TENM2: variants seen among roughly 807,000 people sequenced by gnomAD.
TENM2 encodes the protein teneurin transmembrane protein 2.
TENM2 carries 52 observed loss-of-function variants against 245.2 expected under a neutral mutation model. The ratio of observed to expected loss-of-function variants is 0.21; its 90% confidence interval spans 0.17 to 0.27. The LOEUF (loss-of-function observed/expected upper bound fraction) is 0.27. Among genes scored for constraint, TENM2 ranks in the 10% least tolerant of loss-of-function variants. The probability of loss-of-function intolerance (pLI) is 1.00; values close to 1 mark genes in which losing one functional copy is unlikely to be tolerated. For synonymous variants in TENM2, 1,363 were observed against 1,438.9 expected (o/e 0.95, Z 1.19); for missense variants, 3,046 against 3,666.8 (o/e 0.83, Z 4.37).
chr5:167,611,548 G>A (rs745495051), intron 2 of TENM2, among the ~76,000 whole-genome samples: 3 of 152,138 alleles, frequency 2.0e-5, no homozygotes, highest in Non-Finnish European at 4.4e-5. Flanking sequence ...AGTTTTTCAA[G>A]AAAGTTCAGA....
intron 2 of TENM2, among the ~76,000 whole-genome samples, chr5:167,399,916 A>T (rs1007154153): frequency 1.3e-5 from 2 of 151,774 alleles, no homozygotes; most frequent in African/African-American, 4.9e-5. Context: ...CTGAGAATAC[A>T]AAGATACTGT....
chr5:168,129,688 C>T (rs2152370553), intron 12 of TENM2: 1 of 152,302 alleles, frequency 6.6e-6, no homozygotes, highest in East Asian at 1.9e-4. Context: ...TTTTCTATCT[C>T]CGGCCCCCAG....
intron 2 of TENM2, among the ~76,000 whole-genome samples, chr5:167,508,070 C>T (rs530063410): frequency 3.9e-5 from 6 of 152,148 alleles, no homozygotes; most frequent in East Asian, 1.9e-4. Context: ...CATGTGGAAA[C>T]GAAAGGCAGA....
At chr5:167,455,356 A>G (rs1187081280) in intron 2 of TENM2, among the ~76,000 whole-genome samples, 1 of 152,192 alleles carries the variant, frequency 6.6e-6, no homozygotes, top group Admixed American at 6.5e-5. Context: ...TGTCAATCCA[A>G]ATAAAATATC....
intron 10 of TENM2, among the ~76,000 whole-genome samples, chr5:168,120,284 T>C (rs17069916): frequency 0.011 from 1,742 of 152,288 alleles, 25 homozygotes; most frequent in African/African-American, 0.04. Flanking sequence ...TATGTCTGCA[T>C]CATAAAGAAT....
intron 2 of TENM2, among the ~76,000 whole-genome samples, chr5:167,636,652 G>A (rs2150233566): frequency 6.6e-6 from 1 of 152,242 alleles, no homozygotes; most frequent in East Asian, 1.9e-4. Context: ...TGCTTATTTT[G>A]CACCACAGTC....
chr5:167,255,334 G>A, the TENM2 span, among the ~76,000 whole-genome samples: 1 of 152,046 alleles, frequency 6.6e-6, no homozygotes, highest in Non-Finnish European at 1.5e-5. Flanking sequence ...TCAGATGACT[G>A]TAATGAAGAC....
chr5:167,081,088 C>T, the TENM2 span, among the ~76,000 whole-genome samples: 1 of 151,446 alleles, frequency 6.6e-6, no homozygotes, highest in Non-Finnish European at 1.5e-5. Context: ...CCATTCTACC[C>T]CTACCAACAA....
chr5:167,655,875 C>A (rs1027569483), intron 2 of TENM2, among the ~76,000 whole-genome samples: 1 of 152,122 alleles, frequency 6.6e-6, no homozygotes, highest in Non-Finnish European at 1.5e-5. Context: ...CTCTTTTCCG[C>A]CTGCCAGGGC....
intron 2 of TENM2, among the ~76,000 whole-genome samples, chr5:167,842,400 C>T (rs556331889): frequency 1.5e-3 from 227 of 151,920 alleles, no homozygotes; most frequent in Admixed American, 3.3e-3. Context: ...ACCAGCCTGG[C>T]CAACTTGGTG....
the TENM2 span, among the ~76,000 whole-genome samples, chr5:167,257,680 TA>T: frequency 6.6e-6 from 1 of 151,892 alleles, no homozygotes; most frequent in East Asian, 1.9e-4. Flanking sequence ...GCAAAGTGAA[TA>T]AAAAATGGTT....
intron 6 of TENM2, among the ~76,000 whole-genome samples, chr5:168,051,574 C>T (rs751490457): frequency 6.6e-6 from 1 of 152,118 alleles, no homozygotes; most frequent in Non-Finnish European, 1.5e-5. Context: ...GATCAAACTC[C>T]CAATACATCA....
At chr5:167,454,545 T>A (rs201842026) in intron 2 of TENM2, among the ~76,000 whole-genome samples, 1 of 151,738 alleles carries the variant, frequency 6.6e-6, no homozygotes, top group African/African-American at 2.4e-5. Context: ...CCACACATAT[T>A]TATGTGTGTG....
intron 2 of TENM2, among the ~76,000 whole-genome samples, chr5:167,444,298 TACACAC>T (rs140953889): frequency 6.6e-5 from 10 of 150,396 alleles, no homozygotes; most frequent in African/African-American, 2.2e-4. Context: ...CACATACACA[TACACAC>T]ACACACACAC....
chr5:167,331,292 A>G (rs1186912090), intron 1 of TENM2, among the ~76,000 whole-genome samples: 1 of 151,852 alleles, frequency 6.6e-6, no homozygotes, highest in Non-Finnish European at 1.5e-5. Context: ...GAGAAGTATT[A>G]TGAAGAAATA....
At chr5:167,421,772 A>T (rs539340589) in intron 2 of TENM2, among the ~76,000 whole-genome samples, 3 of 152,108 alleles carry the variant, frequency 2.0e-5, no homozygotes, top group Non-Finnish European at 2.9e-5. Context: ...TTATCACACT[A>T]TTTTGTTGGT....
chr5:167,841,625 G>A lies in TENM2; in HGVS notation c.503-34361G>A, dbSNP rs139953496. On this transcript the variant is annotated intron_variant, in intron 2 of 28. Transcript: ENST00000518659. The stretch of plus-strand genomic sequence containing the variant: ...TCTTTCCTAAGAAGAAGGACATTCT[G>A]TTACATAACCCAGTAAAATTACCAA... Among the ~76,000 whole-genome samples, 787 of 152,284 alleles carry A rather than the reference G, an allele frequency of 5.2e-3. 9 individuals are homozygous for A. The highest frequency in any genetic ancestry group is 0.018 in the African/African-American group (747 of 41,556).
chr5:167,871,909 G>C (rs1561879374), intron 2 of TENM2, among the ~76,000 whole-genome samples: 2 of 152,234 alleles, frequency 1.3e-5, no homozygotes, highest in East Asian at 3.9e-4. Context: ...ACCTGTTTGT[G>C]TCTGTACAGA....
At chr5:168,198,428 T>G (rs566781083) in intron 15 of TENM2, among the ~76,000 whole-genome samples, 7 of 152,070 alleles carry the variant, frequency 4.6e-5, no homozygotes, top group Non-Finnish European at 7.4e-5. Context: ...ACTACTGACC[T>G]CAAGTGATGC....
Sources: gnomAD v4.1 joint callset for allele counts (sites outside exome capture counted in the v4.1 genomes callset) on GRCh38, gnomAD v4.1.1 for gene constraint, MANE v1.5 for transcripts, NCBI Gene and HGNC (gene_info 2026-07-23, HGNC 2026-07-21) for gene names.